The following NWD2 variants were observed in gnomAD, a reference collection of about 807,000 sequenced individuals.
NWD2 encodes NACHT and WD repeat domain containing 2.
NWD2 carries 37 observed loss-of-function variants against 132.7 expected under a neutral mutation model. That is an observed-to-expected ratio of 0.28 (90% CI 0.21 to 0.37). The LOEUF (loss-of-function observed/expected upper bound fraction) is 0.37. Ranked by LOEUF, NWD2 falls within the 10% of genes least tolerant of loss-of-function variation. The pLI is 1.00. For synonymous variants in NWD2, 705 were observed against 803.0 expected (o/e 0.88, Z 2.06); for missense variants, 1,592 against 2,122.4 (o/e 0.75, Z 4.91).
chr4:37,286,404 A>T (rs1560385413), intron 1 of NWD2, among the ~76,000 whole-genome samples: 1 of 152,230 alleles, frequency 6.6e-6, no homozygotes, highest in Non-Finnish European at 1.5e-5. Flanking sequence ...CATGCATGCT[A>T]CATTCCAGGG....
intron 2 of NWD2, among the ~76,000 whole-genome samples, chr4:37,329,089 G>T (rs1719235506): frequency 6.6e-6 from 1 of 151,922 alleles, no homozygotes; most frequent in African/African-American, 2.4e-5. Context: ...ACTTGCAAAA[G>T]AAAGCCTTCT....
At chr4:37,338,759 C>T (rs1719462299) in intron 2 of NWD2, among the ~76,000 whole-genome samples, 2 of 152,232 alleles carry the variant, frequency 1.3e-5, no homozygotes, top group Admixed American at 1.3e-4. Flanking sequence ...CGTTTCTTCT[C>T]TCACCACAGC....
At chr4:37,344,245 A>G (rs146955088) in intron 2 of NWD2, among the ~76,000 whole-genome samples, 126 of 152,304 alleles carry the variant, frequency 8.3e-4, no homozygotes, top group African/African-American at 2.8e-3. Context: ...TCATGCGGAT[A>G]TATGGCATAG....
intron 4 of NWD2, among the ~76,000 whole-genome samples, chr4:37,433,012 G>A (rs74816087): frequency 3.9e-5 from 6 of 152,272 alleles, no homozygotes; most frequent in African/African-American, 7.2e-5. Flanking sequence ...TCTCCACTTC[G>A]GGATCTGTGT....
At chr4:37,360,514 G>A (rs551606424) in intron 3 of NWD2, among the ~76,000 whole-genome samples, 1 of 152,100 alleles carries the variant, frequency 6.6e-6, no homozygotes. Flanking sequence ...GACATTTACT[G>A]ACTAAAAGCT....
chr4:37,408,038 G>A (rs1721079989), intron 3 of NWD2, among the ~76,000 whole-genome samples: 1 of 152,200 alleles, frequency 6.6e-6, no homozygotes, highest in Non-Finnish European at 1.5e-5. Context: ...TGCAAACCAG[G>A]AGATTCCCTC....
At chr4:37,379,511 CA>C (rs1235912405) in intron 3 of NWD2, among the ~76,000 whole-genome samples, 1 of 152,080 alleles carries the variant, frequency 6.6e-6, no homozygotes, top group Non-Finnish European at 1.5e-5. Context: ...AAGCACATGA[CA>C]TATGTTTTAT....
At position 37,432,554 on chromosome 4, in the gene NWD2, T is replaced by C. The variant is rs1186687455; in HGVS notation, c.562-1322T>C. Among the ~76,000 whole-genome samples, 4 of 152,152 alleles carry C rather than the reference T, an allele frequency of 2.6e-5. No individual in the cohort carries two copies. The East Asian group carries it at 7.7e-4, about 29-fold the overall frequency. On this transcript the variant is annotated intron_variant, in intron 4 of 6. Transcript: ENST00000309447. Reference sequence around the variant, plus strand: ...AGCTGTGTTCATTCTGTCTATACATTGAGTTTTCAAGTTTGACAGTTATAG... The same window carrying C: ...AGCTGTGTTCATTCTGTCTATACATCGAGTTTTCAAGTTTGACAGTTATAG...
Position 37,245,051 on chromosome 4 carries a change from G to C in NWD2, c.-17G>C. On this transcript the variant is annotated 5_prime_UTR_variant, in exon 1 of 7. Coordinates refer to ENST00000309447, the MANE Select transcript of NWD2 (RefSeq NM_001144990.2). ...GGAGGTGGCGGCGGCGGCAGTGGCT[G>C]TTCCTCCCAGAGGGCGATGTGGCCG... 1 of 1,543,444 alleles carries C rather than the reference G, an allele frequency of 6.5e-7. No homozygotes were observed. The highest frequency in any genetic ancestry group is 2.4e-5 in the East Asian group (1 of 40,820).
intron 1 of NWD2, among the ~76,000 whole-genome samples, chr4:37,308,578 A>G (rs988929330): frequency 8.5e-5 from 13 of 152,192 alleles, no homozygotes; most frequent in Admixed American, 2.0e-4. Flanking sequence ...ATGCACAGGC[A>G]CATAGCTCTA....
chr4:37,361,044 A>G (rs1403192347), intron 3 of NWD2, among the ~76,000 whole-genome samples: 1 of 152,230 alleles, frequency 6.6e-6, no homozygotes, highest in African/African-American at 2.4e-5. Flanking sequence ...AGGGACTATT[A>G]TGAACACATC....
intron 1 of NWD2, among the ~76,000 whole-genome samples, chr4:37,313,511 TTCTG>T (rs71655489): frequency 0.24 from 35,182 of 148,474 alleles, 5,045 homozygotes; most frequent in Middle Eastern, 0.39. Context: ...TAGTTGATTC[TTCTG>T]TCTTTTTTTC....
intron 3 of NWD2, among the ~76,000 whole-genome samples, chr4:37,391,245 C>G (rs1720674571): frequency 6.6e-6 from 1 of 152,200 alleles, no homozygotes; most frequent in Admixed American, 6.5e-5. Context: ...AATGACATAT[C>G]ATACTCAAGA....
chr4:37,309,119 T>G (rs1049913489), intron 1 of NWD2, among the ~76,000 whole-genome samples: 1 of 152,054 alleles, frequency 6.6e-6, no homozygotes, highest in African/African-American at 2.4e-5. Flanking sequence ...CATCCTGGGG[T>G]AGCCAGTCCT....
intron 1 of NWD2, among the ~76,000 whole-genome samples, chr4:37,323,249 C>T (rs1719104192): frequency 6.6e-6 from 1 of 152,120 alleles, no homozygotes; most frequent in Non-Finnish European, 1.5e-5. Flanking sequence ...AATCTATTAA[C>T]AGAGTAAACA....
chr4:37,304,946 C>T (rs1301103326), intron 1 of NWD2, among the ~76,000 whole-genome samples: 5 of 152,198 alleles, frequency 3.3e-5, no homozygotes, highest in South Asian at 2.1e-4. Flanking sequence ...CCTCACTGCC[C>T]TAGTAGAGGT....
chr4:37,364,245 G>A lies in NWD2; in HGVS notation c.357+7763G>A, dbSNP rs984759234. Among the ~76,000 whole-genome samples, 12 of 152,338 alleles carry A rather than the reference G, an allele frequency of 7.9e-5. No individual in the cohort carries two copies. In the East Asian group the frequency reaches 2.3e-3, roughly 29 times the overall value. On this transcript the variant is annotated intron_variant, in intron 3 of 6. Transcript: ENST00000309447. The stretch of plus-strand genomic sequence containing the variant: ...AGAATCCGTCCCCACTCCACCATGT[G>A]TGTGGCATCCCTGGAGGATGCTCAT...
At chr4:37,414,461 T>C (rs1286981471) in intron 3 of NWD2, among the ~76,000 whole-genome samples, 1 of 148,182 alleles carries the variant, frequency 6.7e-6, no homozygotes, top group African/African-American at 2.5e-5. Context: ...CAGCCAGCCC[T>C]GAAAAAAAAA....
At position 37,361,501 on chromosome 4, in the gene NWD2, T is replaced by C. The variant is rs181597849; in HGVS notation, c.357+5019T>C. Among the ~76,000 whole-genome samples, 212 of 152,268 alleles carry C rather than the reference T, an allele frequency of 1.4e-3. 2 individuals are homozygous for C. The highest frequency in any genetic ancestry group is 3.4e-3 in the Middle Eastern group (1 of 294). On this transcript the variant is annotated intron_variant, in intron 3 of 6. Coordinates refer to ENST00000309447, the MANE Select transcript of NWD2 (RefSeq NM_001144990.2). The stretch of plus-strand genomic sequence containing the variant: ...AGTTAAGTCACCATAATCAAGTAGA[T>C]TTGATTTCTGGGATGCAAGGTTGGT...
Sources: allele counts gnomAD v4.1 joint callset (sites outside exome capture counted in the v4.1 genomes callset), GRCh38; gene constraint gnomAD v4.1.1; transcripts MANE v1.5; gene names NCBI Gene and HGNC (gene_info 2026-07-23, HGNC 2026-07-21).